DENND1B: variants seen among roughly 807,000 people sequenced by gnomAD.
DENND1B encodes DENN domain-containing protein 1B.
DENND1B carries 59 observed loss-of-function variants against 90.1 expected under a neutral mutation model. The ratio of observed to expected loss-of-function variants is 0.65; its 90% CI spans 0.53 to 0.81. The LOEUF (loss-of-function observed/expected upper bound fraction) is 0.81, where lower values mean the gene tolerates loss of function less well. DENND1B is among the 40% of genes least tolerant of loss of function. The pLI, the probability that DENND1B is intolerant of heterozygous loss-of-function variation, is 0.00. For missense variants in DENND1B, 862 were observed against 912.6 expected (o/e 0.94, Z 0.71); for synonymous variants, 337 against 324.6 (o/e 1.04, Z -0.41).
At chr1:197,605,128 T>A (rs1676555580) in intron 13 of DENND1B, among the ~76,000 whole-genome samples, 1 of 151,018 alleles carries the variant, frequency 6.6e-6, no homozygotes, top group African/African-American at 2.4e-5. Flanking sequence ...AATTTTTATC[T>A]ATATTTTTAA....
At chr1:197,561,200 G>C (rs114073198) in intron 15 of DENND1B, among the ~76,000 whole-genome samples, 1 of 151,750 alleles carries the variant, frequency 6.6e-6, no homozygotes, top group African/African-American at 2.4e-5. Context: ...TTGTGTCTAC[G>C]TCCTCTCCTC....
intron 20 of DENND1B, among the ~76,000 whole-genome samples, chr1:197,523,999 T>C (rs1435667834): frequency 6.6e-6 from 1 of 152,020 alleles, no homozygotes; most frequent in African/African-American, 2.4e-5. Context: ...ATGTAAGACA[T>C]GAAGAATTCT....
chr1:197,635,012 C>G (rs202220625), intron 10 of DENND1B, among the ~76,000 whole-genome samples: 1 of 150,132 alleles, frequency 6.7e-6, no homozygotes, highest in East Asian at 2.0e-4. Context: ...AGGAAGGAAG[C>G]AAGGAAGGAA....
intron 16 of DENND1B, among the ~76,000 whole-genome samples, chr1:197,547,879 T>C (rs1414377033): frequency 3.3e-5 from 5 of 152,212 alleles, no homozygotes; most frequent in Non-Finnish European, 5.9e-5. Flanking sequence ...CATATATGTT[T>C]CTGTATTAAA....
chr1:197,651,526 T>C (rs565389187), intron 7 of DENND1B, among the ~76,000 whole-genome samples: 1 of 152,050 alleles, frequency 6.6e-6, no homozygotes, highest in Non-Finnish European at 1.5e-5. Flanking sequence ...TTATCACATA[T>C]TTATATGTTA....
At chr1:197,747,442 C>T (rs1316366670) in intron 2 of DENND1B, 4 of 362,318 alleles carry the variant, frequency 1.1e-5, no homozygotes, top group Non-Finnish European at 2.1e-5. Context: ...GGTAGCAGCC[C>T]ACTCCACATC....
chr1:197,593,324 T>A (rs1675400842), intron 14 of DENND1B, among the ~76,000 whole-genome samples: 6 of 133,080 alleles, frequency 4.5e-5, no homozygotes, highest in Non-Finnish European at 3.3e-5. Context: ...TCAGAAAAAA[T>A]GTAAAGGCAT....
rs1445881616 is a variant in DENND1B, at chr1:197,735,948, C to T, written c.83-20874G>A. 16 of 1,459,634 alleles carry T rather than the reference C, an allele frequency of 1.1e-5. 1 individual carries two copies. In the South Asian group the frequency reaches 1.4e-4, roughly 13 times the overall value. 90.4% of individuals were successfully genotyped at this position (1,459,634 alleles called of 1,614,324 possible). A position where few individuals can be genotyped will look rare whatever the true frequency, so the allele number is the denominator to read the frequency against. On this transcript the variant is annotated intron_variant, in intron 2 of 22. Transcript: ENST00000620048. ...GAAACCTGAAGTTAGAAAGGCTCAA[C>T]GAGAACAAGGTATCAGGGCTGCTAA...
chr1:197,662,662 C>T (rs1654533492), intron 5 of DENND1B, among the ~76,000 whole-genome samples: 1 of 152,046 alleles, frequency 6.6e-6, no homozygotes, highest in African/African-American at 2.4e-5. Context: ...TGGTGTGCTG[C>T]ACCCATTAAC....
rs1221156224 is a variant in DENND1B, at chr1:197,506,515, T to C, written c.*3945A>G. ...TTTATGTCAAACAAAATGGAATTTGTATAAGAAAATTTATTCATGAAAATA... is the reference window on the plus strand; with the variant it reads ...TTTATGTCAAACAAAATGGAATTTGCATAAGAAAATTTATTCATGAAAATA... On this transcript the variant is annotated 3_prime_UTR_variant, in exon 23 of 23. Transcript: ENST00000620048. 3 of 151,574 alleles carry C rather than the reference T, an allele frequency of 2.0e-5. No individual in the cohort carries two copies. Among genetic ancestry groups the C allele is most frequent in the African/African-American group, 7.2e-5 (3 of 41,380 alleles). 9.4% of individuals were successfully genotyped at this position (151,574 alleles called of 1,614,324 possible). A position where few individuals can be genotyped will look rare whatever the true frequency, so the allele number is the denominator to read the frequency against.
intron 20 of DENND1B, among the ~76,000 whole-genome samples, chr1:197,529,266 G>GTATATATA (rs1558206033): frequency 5.5e-4 from 12 of 21,812 alleles, no homozygotes; most frequent in Admixed American, 1.1e-3. Context: ...GTGTGTGTGT[G>GTATATATA]TGTATATGTA....
intron 10 of DENND1B, among the ~76,000 whole-genome samples, chr1:197,640,101 TG>T (rs1333051427): frequency 1.3e-5 from 2 of 152,200 alleles, no homozygotes; most frequent in Non-Finnish European, 2.9e-5. Context: ...GATAACAATT[TG>T]TTTTTAAAGC....
chr1:197,582,938 C>A (rs1393981544), intron 15 of DENND1B, among the ~76,000 whole-genome samples: 1 of 152,122 alleles, frequency 6.6e-6, no homozygotes, highest in Non-Finnish European at 1.5e-5. Flanking sequence ...TTAAGCTCAG[C>A]CACATTTGAT....
At chr1:197,709,923 G>T (rs1372633530) in intron 3 of DENND1B, among the ~76,000 whole-genome samples, 41 of 95,318 alleles carry the variant, frequency 4.3e-4, no homozygotes, top group Admixed American at 9.4e-4. Flanking sequence ...GGCAGGGGTT[G>T]CAATCCTAGT....
At chr1:197,656,800 T>C (rs1653875412) in intron 6 of DENND1B, among the ~76,000 whole-genome samples, 1 of 150,388 alleles carries the variant, frequency 6.6e-6, no homozygotes, top group East Asian at 1.9e-4. Context: ...CAAGACTCTG[T>C]CTCCAAAAAA....
intron 3 of DENND1B, among the ~76,000 whole-genome samples, chr1:197,674,662 A>T (rs1482774039): frequency 1.4e-5 from 1 of 71,008 alleles, no homozygotes; most frequent in African/African-American, 4.9e-5. Context: ...CCATAGTCAA[A>T]CAGTTAAAAA....
In DENND1B at chr1:197,735,641, G is replaced by A. The variant is rs775042154; in HGVS notation, c.83-20567C>T. The A allele has an allele frequency of 1.9e-6, 3 of 1,614,188 alleles. No homozygotes were observed. The South Asian group carries it at 3.3e-5, about 18-fold the overall frequency. On this transcript the variant is annotated intron_variant, in intron 2 of 22. Coordinates refer to ENST00000620048, the MANE Select transcript of DENND1B (RefSeq NM_001195215.2). ...CCTCCCGTGGAGCTGCCGCCATGAA[G>A]GTCGAGCTATGCGGTTTCAGCCGGT...
chr1:197,544,704 A>T (rs1161072278), intron 18 of DENND1B, among the ~76,000 whole-genome samples: 1 of 143,600 alleles, frequency 7.0e-6, no homozygotes, highest in African/African-American at 2.5e-5. Context: ...GAAGATGAAG[A>T]TGAAGAGGAA....
rs925946156 is a variant in DENND1B at position 197,509,348 on chromosome 1, G to A, written c.*1112C>T. 2 of 151,900 alleles carry A rather than the reference G, an allele frequency of 1.3e-5. No individual in the cohort carries two copies. Among genetic ancestry groups the A allele is most frequent in the Admixed American group, 1.3e-4 (2 of 15,222 alleles). 9.4% of individuals were successfully genotyped at this position (151,900 alleles called of 1,614,324 possible). ...AGACATTCCAACTCAATATAGTGTG[G>A]TATTCTGAATAGGATCTTGATGTGG... is the stretch of plus-strand genomic sequence containing the variant. On this transcript the variant is annotated 3_prime_UTR_variant, in exon 23 of 23. Coordinates refer to ENST00000620048, the MANE Select transcript of DENND1B (RefSeq NM_001195215.2).
Sources: gnomAD v4.1 joint callset for allele counts (sites outside exome capture counted in the v4.1 genomes callset) on GRCh38, gnomAD v4.1.1 for gene constraint, MANE v1.5 for transcripts, NCBI Gene and HGNC (gene_info 2026-07-23, HGNC 2026-07-21) for gene names.